The following SIPA1L1 variants were observed in gnomAD, a reference collection of about 807,000 sequenced individuals.
SIPA1L1 encodes the protein signal induced proliferation associated 1 like 1.
Under a neutral mutation model 162.7 loss-of-function variants are expected in SIPA1L1, and 26 were observed. The ratio of observed to expected loss-of-function variants is 0.16; its 90% CI spans 0.12 to 0.22. SIPA1L1 has a LOEUF of 0.22. SIPA1L1 is among the 10% of genes least tolerant of loss of function. The probability of loss-of-function intolerance (pLI) is 1.00; values close to 1 mark genes in which losing one functional copy is unlikely to be tolerated. For missense variants in SIPA1L1, 1,874 were observed against 2,241.0 expected (o/e 0.84, Z 3.31); for synonymous variants, 829 against 837.4 (o/e 0.99, Z 0.17).
At chr14:71,373,717 A>AT (rs2039113537) in intron 2 of SIPA1L1, among the ~76,000 whole-genome samples, 1 of 151,444 alleles carries the variant, frequency 6.6e-6, no homozygotes, top group South Asian at 2.1e-4. Context: ...AAAATTTTAT[A>AT]TTTTTTCTCC....
At chr14:71,480,937 T>A (rs1174199514) in intron 2 of SIPA1L1, among the ~76,000 whole-genome samples, 1 of 152,192 alleles carries the variant, frequency 6.6e-6, no homozygotes, top group Non-Finnish European at 1.5e-5. Context: ...AATTAACAAT[T>A]TAAAGTGAGC....
At chr14:71,557,155 A>G (rs1479390625) in intron 4 of SIPA1L1, among the ~76,000 whole-genome samples, 1 of 152,186 alleles carries the variant, frequency 6.6e-6, no homozygotes, top group Non-Finnish European at 1.5e-5. Flanking sequence ...TTAGTATTTT[A>G]TCTTCCTTCA....
At chr14:71,485,367 A>G (rs1203039134) in intron 2 of SIPA1L1, among the ~76,000 whole-genome samples, 4 of 152,208 alleles carry the variant, frequency 2.6e-5, no homozygotes, top group Non-Finnish European at 5.9e-5. Context: ...GTGAGCAGGC[A>G]AGTGAAGCTT....
At chr14:71,392,904 G>T (rs1227662636) in intron 2 of SIPA1L1, among the ~76,000 whole-genome samples, 1 of 152,198 alleles carries the variant, frequency 6.6e-6, no homozygotes, top group Non-Finnish European at 1.5e-5. Context: ...ACTTTTCAGT[G>T]CCTGAAAGCT....
At chr14:71,654,564 C>T (rs546240652) in intron 8 of SIPA1L1, among the ~76,000 whole-genome samples, 1 of 152,284 alleles carries the variant, frequency 6.6e-6, no homozygotes, top group Non-Finnish European at 1.5e-5. Context: ...TTTGTTTTCT[C>T]CTCCATTTTT....
chr14:71,657,699 AC>A (rs1272586716), intron 8 of SIPA1L1, among the ~76,000 whole-genome samples: 12 of 151,644 alleles, frequency 7.9e-5, no homozygotes, highest in African/African-American at 2.9e-4. Context: ...TAAGAACAAA[AC>A]AAGTCTCTTG....
chr14:71,399,589 T>C (rs1188373051), intron 2 of SIPA1L1, among the ~76,000 whole-genome samples: 1 of 152,164 alleles, frequency 6.6e-6, no homozygotes, highest in Non-Finnish European at 1.5e-5. Flanking sequence ...AATTTTATTT[T>C]GTAGAGATAG....
At chr14:71,592,208 C>G (rs1055543185) in intron 5 of SIPA1L1, among the ~76,000 whole-genome samples, 1 of 152,146 alleles carries the variant, frequency 6.6e-6, no homozygotes. Flanking sequence ...ACTGTAAGAG[C>G]TTTTCTTGGG....
intron 2 of SIPA1L1, among the ~76,000 whole-genome samples, chr14:71,469,762 T>C (rs1290835718): frequency 2.0e-5 from 3 of 152,198 alleles, no homozygotes; most frequent in Non-Finnish European, 2.9e-5. Context: ...AGGAGTAAAG[T>C]GACGTTTGTG....
At chr14:71,463,424 C>T (rs189646162) in intron 2 of SIPA1L1, among the ~76,000 whole-genome samples, 131 of 152,206 alleles carry the variant, frequency 8.6e-4, no homozygotes, top group African/African-American at 3.1e-3. Context: ...TCCATAAGAC[C>T]CTACTTTAAC....
intron 2 of SIPA1L1, among the ~76,000 whole-genome samples, chr14:71,501,219 G>A (rs912854381): frequency 5.3e-5 from 8 of 152,086 alleles, no homozygotes; most frequent in African/African-American, 1.9e-4. Flanking sequence ...TACTTGGGGG[G>A]CTGAGGTGGG....
intron 7 of SIPA1L1, among the ~76,000 whole-genome samples, chr14:71,646,403 C>T (rs2042172967): frequency 6.6e-6 from 1 of 152,188 alleles, no homozygotes; most frequent in Non-Finnish European, 1.5e-5. Context: ...CTCTCAATCT[C>T]CTGACCTCAT....
At chr14:71,692,696 G>A (rs1299435190) in intron 13 of SIPA1L1, among the ~76,000 whole-genome samples, 3 of 152,328 alleles carry the variant, frequency 2.0e-5, no homozygotes, top group East Asian at 3.9e-4. Context: ...CCAGGAATGG[G>A]AGGAGAATGC....
rs1418390114 is a variant in SIPA1L1 at position 71,367,559 on chromosome 14, C to T, written c.-465+46378C>T. ...TCCTGACCTCGTGATCTGCCCGCCT[C>T]GGCCTCCCAAAGTGCTGGGATTACA... On this transcript the variant is annotated intron_variant, in intron 2 of 23. Coordinates refer to ENST00000381232, the MANE Select transcript of SIPA1L1 (RefSeq NM_001386936.1). Among the ~76,000 whole-genome samples, 8 of 150,226 alleles carry T rather than the reference C, an allele frequency of 5.3e-5. No homozygotes were observed. The East Asian group carries it at 9.9e-4, about 19-fold the overall frequency.
intron 2 of SIPA1L1, among the ~76,000 whole-genome samples, chr14:71,405,500 T>G (rs1022914320): frequency 6.6e-6 from 1 of 152,218 alleles, no homozygotes; most frequent in Non-Finnish European, 1.5e-5. Context: ...GTCTTTCTTC[T>G]GGATGATCTT....
At chr14:71,606,352 GC>G (rs2037499184) in intron 5 of SIPA1L1, among the ~76,000 whole-genome samples, 2 of 152,134 alleles carry the variant, frequency 1.3e-5, no homozygotes, top group Non-Finnish European at 2.9e-5. Context: ...CCATGCTTCA[GC>G]CCTGGTGGTA....
intron 4 of SIPA1L1, among the ~76,000 whole-genome samples, chr14:71,581,475 G>A (rs545961807): frequency 3.0e-4 from 45 of 152,238 alleles, no homozygotes; most frequent in Admixed American, 2.1e-3. Flanking sequence ...AAAAGGACAA[G>A]CACTTACCCC....
chr14:71,621,467 C>G (rs1020804094), intron 6 of SIPA1L1, among the ~76,000 whole-genome samples: 11 of 152,180 alleles, frequency 7.2e-5, no homozygotes, highest in Non-Finnish European at 1.6e-4. Flanking sequence ...CTCAGATGCC[C>G]GTCATTCCTC....
chr14:71,580,768 A>G (rs1481035839), intron 4 of SIPA1L1, among the ~76,000 whole-genome samples: 1 of 152,316 alleles, frequency 6.6e-6, no homozygotes, highest in East Asian at 1.9e-4. Context: ...TGTGGTCATC[A>G]TACTGCATTC....
Sources: allele counts gnomAD v4.1 joint callset (sites outside exome capture counted in the v4.1 genomes callset), GRCh38; gene constraint gnomAD v4.1.1; transcripts MANE v1.5; gene names NCBI Gene and HGNC (gene_info 2026-07-23, HGNC 2026-07-21).